The following DLGAP2 variants were observed in gnomAD, a reference collection of about 807,000 sequenced individuals.
DLGAP2 encodes DLG associated protein 2.
Under a neutral mutation model 100.3 loss-of-function variants are expected in DLGAP2, and 26 were observed. The ratio of observed to expected loss-of-function variants is 0.26; its 90% CI spans 0.19 to 0.36. DLGAP2 has a LOEUF of 0.36. Ranked by LOEUF, DLGAP2 falls within the 10% of genes least tolerant of loss-of-function variation. DLGAP2 has a pLI of 1.00. For synonymous variants in DLGAP2, 886 were observed against 630.1 expected (o/e 1.41, Z -6.08); for missense variants, 1,858 against 1,453.2 (o/e 1.28, Z -4.53).
At chr8:986,337 C>A (rs1800486821) in intron 2 of DLGAP2, among the ~76,000 whole-genome samples, 2 of 152,252 alleles carry the variant, frequency 1.3e-5, no homozygotes, top group Admixed American at 1.3e-4. Context: ...TAAAAAATTT[C>A]ACTTTAAGTT....
intron 2 of DLGAP2, among the ~76,000 whole-genome samples, chr8:1,024,989 C>G (rs749879624): frequency 1.3e-5 from 2 of 152,174 alleles, no homozygotes; most frequent in African/African-American, 2.4e-5. Flanking sequence ...CCTTTTTCCA[C>G]AAGAGTAGCC....
intron 3 of DLGAP2, among the ~76,000 whole-genome samples, chr8:1,459,684 C>CTT (rs3052056): frequency 0.39 from 47,310 of 120,704 alleles, 9,931 homozygotes; most frequent in East Asian, 0.55. Flanking sequence ...CTGTTGTTTT[C>CTT]TTTTTTTTTT....
intron 3 of DLGAP2, among the ~76,000 whole-genome samples, chr8:1,306,290 A>G (rs1800489408): frequency 6.6e-6 from 1 of 152,154 alleles, no homozygotes; most frequent in African/African-American, 2.4e-5. Context: ...GTTTCCAAAT[A>G]CTATCAGAAT....
chr8:1,444,883 A>T (rs1797939937), intron 3 of DLGAP2, among the ~76,000 whole-genome samples: 1 of 147,090 alleles, frequency 6.8e-6, no homozygotes, highest in Admixed American at 7.0e-5. Flanking sequence ...AATTCAGGCA[A>T]TTCTACTGCC....
At chr8:912,472 G>A (rs192357435) in intron 2 of DLGAP2, among the ~76,000 whole-genome samples, 2 of 152,294 alleles carry the variant, frequency 1.3e-5, no homozygotes, top group South Asian at 2.1e-4. Context: ...GTGAGAGGGT[G>A]GGTGGGGAGG....
chr8:1,262,818 C>T (rs764709703), intron 3 of DLGAP2, among the ~76,000 whole-genome samples: 1 of 152,124 alleles, frequency 6.6e-6, no homozygotes, highest in South Asian at 2.1e-4. Context: ...TTGACAGATG[C>T]ATGATACTAC....
At chr8:800,957 C>T (rs1314412701) in intron 1 of DLGAP2, among the ~76,000 whole-genome samples, 6 of 151,052 alleles carry the variant, frequency 4.0e-5, no homozygotes, top group Non-Finnish European at 8.9e-5. Context: ...TGCCCCCCCA[C>T]CCTTCCTGGG....
At chr8:1,575,455 T>TTTATTATTATTATTA (rs56350882) in intron 6 of DLGAP2, among the ~76,000 whole-genome samples, 20,018 of 141,008 alleles carry the variant, frequency 0.14, 1,646 homozygotes, top group East Asian at 0.23. Context: ...GAGGATATTC[T>TTTATTATTATTATTA]TTATTATTAT....
chr8:1,080,067 T>C (rs1222030284), intron 2 of DLGAP2, among the ~76,000 whole-genome samples: 7 of 152,180 alleles, frequency 4.6e-5, no homozygotes, highest in Non-Finnish European at 1.0e-4. Flanking sequence ...AAGCGTATGA[T>C]GGGGGGCCTG....
intron 2 of DLGAP2, among the ~76,000 whole-genome samples, chr8:1,049,016 T>G (rs1802595617): frequency 6.6e-6 from 1 of 152,224 alleles, no homozygotes; most frequent in Admixed American, 6.5e-5. Flanking sequence ...GTTTTCAGAA[T>G]GACATTGATA....
intron 1 of DLGAP2, among the ~76,000 whole-genome samples, chr8:827,692 T>C (rs1206133296): frequency 6.6e-6 from 1 of 152,234 alleles, no homozygotes; most frequent in Non-Finnish European, 1.5e-5. Flanking sequence ...ACAATAATTC[T>C]GAATGTAGAA....
intron 2 of DLGAP2, among the ~76,000 whole-genome samples, chr8:909,488 C>G (rs1274718430): frequency 6.7e-6 from 1 of 149,442 alleles, no homozygotes; most frequent in Non-Finnish European, 1.5e-5. Flanking sequence ...ACAGTTTGTT[C>G]TGTAAATGGT....
chr8:1,149,191 G>A (rs758269147), intron 2 of DLGAP2, among the ~76,000 whole-genome samples: 47 of 152,032 alleles, frequency 3.1e-4, no homozygotes, highest in Non-Finnish European at 5.7e-4. Flanking sequence ...TGTTGCCCAG[G>A]CTGAAGTGCA....
chr8:1,529,365 A>C (rs1010992532), intron 4 of DLGAP2, among the ~76,000 whole-genome samples: 2 of 152,182 alleles, frequency 1.3e-5, no homozygotes, highest in African/African-American at 4.8e-5. Flanking sequence ...ATTGAAGATG[A>C]GATTTAGATG....
intron 7 of DLGAP2, among the ~76,000 whole-genome samples, chr8:1,631,307 C>T (rs952676900): frequency 6.6e-6 from 1 of 152,006 alleles, no homozygotes; most frequent in African/African-American, 2.4e-5. Context: ...GGCCCTGGGT[C>T]GGGCTTACAG....
At chr8:1,325,440 C>T (rs868213561) in intron 3 of DLGAP2, among the ~76,000 whole-genome samples, 38 of 152,330 alleles carry the variant, frequency 2.5e-4, no homozygotes, top group African/African-American at 7.0e-4. Context: ...TGCTGTAGCG[C>T]GTTTTTGAAG....
chr8:919,307 C>T (rs776420404), intron 2 of DLGAP2, among the ~76,000 whole-genome samples: 1 of 152,146 alleles, frequency 6.6e-6, no homozygotes, highest in East Asian at 1.9e-4. Flanking sequence ...GCTGGGGTAG[C>T]TGAGACAGAG....
intron 3 of DLGAP2, among the ~76,000 whole-genome samples, chr8:1,324,608 C>T (rs934861446): frequency 6.6e-6 from 1 of 152,148 alleles, no homozygotes; most frequent in Non-Finnish European, 1.5e-5. Flanking sequence ...GCGTGGTTTG[C>T]AATGTAAGGA....
chr8:1,173,961 T>A (rs1797193052), intron 2 of DLGAP2, among the ~76,000 whole-genome samples: 1 of 152,172 alleles, frequency 6.6e-6, no homozygotes, highest in African/African-American at 2.4e-5. Context: ...GAAATCACCG[T>A]CTTCTGTGTC....
Sources: gnomAD v4.1 joint callset for allele counts (sites outside exome capture counted in the v4.1 genomes callset) on GRCh38, gnomAD v4.1.1 for gene constraint, MANE v1.5 for transcripts, NCBI Gene and HGNC (gene_info 2026-07-23, HGNC 2026-07-21) for gene names.